The following PRKN variants were observed in gnomAD, a reference collection of about 807,000 sequenced individuals.
The protein encoded by PRKN is E3 ubiquitin-protein ligase parkin.
Under a neutral mutation model 59.5 loss-of-function variants are expected in PRKN, and 56 were observed. The observed-to-expected ratio is 0.94, with a 90% CI of 0.76 to 1.18. PRKN has a LOEUF of 1.18. Ranked by LOEUF, PRKN falls within the 50% of genes most tolerant of loss-of-function variation. PRKN has a pLI of 0.00. For synonymous variants in PRKN, 250 were observed against 222.1 expected (o/e 1.13, Z -1.12); for missense variants, 657 against 596.4 (o/e 1.10, Z -1.06).
At chr6:161,836,688 A>G (rs1792770154) in intron 6 of PRKN, among the ~76,000 whole-genome samples, 1 of 152,188 alleles carries the variant, frequency 6.6e-6, no homozygotes. Context: ...GGAAGGTAGA[A>G]AACAGGAAGA....
chr6:162,475,568 AGTGTGTGTGTGCATGAGT>A (rs1358728913), intron 1 of PRKN, among the ~76,000 whole-genome samples: 2 of 134,780 alleles, frequency 1.5e-5, no homozygotes, highest in African/African-American at 5.9e-5. Context: ...TATGCATGTG[AGTGTGTGTGTGCATGAGT>A]GTGTGTGTGT....
chr6:161,995,884 G>A (rs1191667625), intron 5 of PRKN, among the ~76,000 whole-genome samples: 1 of 152,186 alleles, frequency 6.6e-6, no homozygotes, highest in East Asian at 1.9e-4. Context: ...GCTTACGCCT[G>A]TAATCCCAGC....
chr6:162,448,894 CCTCTCTCTCTCTCT>C (rs112625480), intron 1 of PRKN, among the ~76,000 whole-genome samples: 1 of 141,372 alleles, frequency 7.1e-6, no homozygotes, highest in Non-Finnish European at 1.5e-5. Context: ...TCTCTCCCTT[CCTCTCTCTCTCTCT>C]CTCTCATCTC....
chr6:162,242,177 A>G lies in PRKN; in HGVS notation c.412+20348T>C, dbSNP rs938806289. On this transcript the variant is annotated intron_variant, in intron 3 of 11. Transcript: ENST00000366898. ...GTTTGACATTCCTGGTATTCAGAGC[A>G]AAATATGGACACAAAGACTCATGCA... 2.0e-5 allele frequency among the ~76,000 whole-genome samples: 3 copies of G among 152,274 alleles called. No homozygotes were observed. In the East Asian group the frequency reaches 5.8e-4, roughly 29 times the overall value.
intron 4 of PRKN, among the ~76,000 whole-genome samples, chr6:162,149,750 A>C (rs1782182352): frequency 6.6e-6 from 1 of 152,142 alleles, no homozygotes; most frequent in African/African-American, 2.4e-5. Context: ...GGAATGCGCA[A>C]CTGTCTAGTG....
chr6:162,133,626 C>T lies in PRKN; in HGVS notation c.534+67505G>A, dbSNP rs375514301. ...ATAATATCACAGAAAGCCATGGGCA[C>T]GAATGACAATAATTTAAAAGGTATA... On this transcript the variant is annotated intron_variant, in intron 4 of 11. Coordinates refer to ENST00000366898, the MANE Select transcript of PRKN (RefSeq NM_004562.3). Among the ~76,000 whole-genome samples, 13 of 152,128 alleles carry T rather than the reference C, an allele frequency of 8.5e-5. No individual in the cohort carries two copies. The South Asian group carries it at 1.0e-3, about 12-fold the overall frequency.
At chr6:162,347,325 T>A (rs1232911942) in intron 2 of PRKN, among the ~76,000 whole-genome samples, 1 of 106,076 alleles carries the variant, frequency 9.4e-6, no homozygotes, top group East Asian at 2.9e-4. Context: ...GATCAATTTT[T>A]AGTATATAGA....
rs527513889 is a variant in PRKN, at chr6:161,417,965, C to T, written c.1084-31088G>A. On this transcript the variant is annotated intron_variant, in intron 9 of 11. Coordinates refer to ENST00000366898, the MANE Select transcript of PRKN (RefSeq NM_004562.3). The surrounding 1 kb of genome is among the most constrained non-coding windows in gnomAD (Gnocchi z 5.4). ...CTGGGAGCTGCAGGCTGGCTTCCCA[C>T]GCTCCCTCCTGGGCCTGGCCCCCAG... is the stretch of plus-strand genomic sequence containing the variant. Among the ~76,000 whole-genome samples the T allele has an allele frequency of 5.9e-5, 9 of 152,310 alleles. No individual in the cohort carries two copies. The highest frequency in any genetic ancestry group is 3.9e-4 in the East Asian group (2 of 5,168).
At chr6:162,306,818 A>G (rs1389016488) in intron 2 of PRKN, among the ~76,000 whole-genome samples, 5 of 152,162 alleles carry the variant, frequency 3.3e-5, no homozygotes, top group Admixed American at 6.5e-5. Context: ...GCTAAGAGCA[A>G]CTGTTTCAAA....
chr6:162,602,771 C>A (rs1184028429), intron 1 of PRKN, among the ~76,000 whole-genome samples: 1 of 152,174 alleles, frequency 6.6e-6, no homozygotes, highest in African/African-American at 2.4e-5. Context: ...CAGGTAAGCT[C>A]TTTTCAAAAT....
intron 4 of PRKN, among the ~76,000 whole-genome samples, chr6:162,174,404 C>T (rs1783439399): frequency 6.6e-6 from 1 of 152,142 alleles, no homozygotes; most frequent in East Asian, 1.9e-4. Flanking sequence ...CTCATGCACC[C>T]ATAAATATCT....
At chr6:162,338,151 A>G (rs1250731839) in intron 2 of PRKN, among the ~76,000 whole-genome samples, 1 of 152,176 alleles carries the variant, frequency 6.6e-6, no homozygotes, top group African/African-American at 2.4e-5. Context: ...GGTTCTTACC[A>G]TCTCCAGGAG....
intron 2 of PRKN, among the ~76,000 whole-genome samples, chr6:162,412,521 T>C (rs913015393): frequency 2.0e-5 from 3 of 151,954 alleles, no homozygotes; most frequent in African/African-American, 7.2e-5. Context: ...AACTAACTTA[T>C]ATTATCCTAT....
intron 5 of PRKN, among the ~76,000 whole-genome samples, chr6:162,052,437 G>A (rs1030837172): frequency 6.6e-6 from 1 of 151,658 alleles, no homozygotes; most frequent in Non-Finnish European, 1.5e-5. Context: ...TTACTGTTTT[G>A]AATTCTGCTC....
At chr6:162,442,895 A>G (rs1379949618) in intron 2 of PRKN, among the ~76,000 whole-genome samples, 1 of 152,120 alleles carries the variant, frequency 6.6e-6, no homozygotes, top group African/African-American at 2.4e-5. Flanking sequence ...AGGGGTCACA[A>G]TTGGGTTACA....
At chr6:162,635,659 T>G (rs1300336098) in intron 1 of PRKN, among the ~76,000 whole-genome samples, 1 of 152,194 alleles carries the variant, frequency 6.6e-6, no homozygotes, top group Non-Finnish European at 1.5e-5. Context: ...GACATTTAGG[T>G]CTTTCAACTG....
chr6:162,276,030 T>C (rs909772131), intron 2 of PRKN, among the ~76,000 whole-genome samples: 1 of 152,280 alleles, frequency 6.6e-6, no homozygotes, highest in African/African-American at 2.4e-5. Context: ...AAAAATGGCA[T>C]TTAAAGATGA....
intron 2 of PRKN, among the ~76,000 whole-genome samples, chr6:162,307,621 G>A (rs1782292403): frequency 6.6e-6 from 1 of 152,084 alleles, no homozygotes; most frequent in Non-Finnish European, 1.5e-5. Flanking sequence ...GAAAAAAACA[G>A]TTTGATGACA....
chr6:161,885,652 G>A (rs1373225423), intron 6 of PRKN, among the ~76,000 whole-genome samples: 13 of 129,884 alleles, frequency 1.0e-4, no homozygotes, highest in Admixed American at 4.1e-4. Flanking sequence ...GTGACAGAGC[G>A]AGACTCTGTC....
Sources: allele counts gnomAD v4.1 joint callset (sites outside exome capture counted in the v4.1 genomes callset), GRCh38; gene constraint gnomAD v4.1.1; non-coding constraint Gnocchi (gnomAD v3.1); transcripts MANE v1.5; gene names NCBI Gene and HGNC (gene_info 2026-07-23, HGNC 2026-07-21).